Variants in HMBOX1 observed in about 807,000 individuals in gnomAD.
The protein encoded by HMBOX1 is homeobox containing 1.
In HMBOX1, 14 loss-of-function variants were observed where a neutral mutation model predicts 54.5. The ratio of observed to expected loss-of-function variants is 0.26; its 90% CI spans 0.17 to 0.40. The LOEUF (loss-of-function observed/expected upper bound fraction) is 0.40, where lower values mean the gene tolerates loss of function less well. HMBOX1 is among the 10% of genes least tolerant of loss of function. The probability of loss-of-function intolerance (pLI) is 1.00; values close to 1 mark genes in which losing one functional copy is unlikely to be tolerated. For synonymous variants in HMBOX1, 160 were observed against 181.0 expected, an observed-to-expected ratio of 0.88 and a Z score of 0.93; for missense variants, 332 against 514.4, an observed-to-expected ratio of 0.65 and a Z score of 3.43.
chr8:29,003,555 A>ATATATATATAT (rs1832971970), intron 4 of HMBOX1, among the ~76,000 whole-genome samples: 1 of 71,310 alleles, frequency 1.4e-5, no homozygotes. Context: ...TTCTGTATTA[A>ATATATATATAT]ATATATATAT....
At chr8:28,908,619 G>A (rs1384833259) in intron 1 of HMBOX1, among the ~76,000 whole-genome samples, 1 of 152,144 alleles carries the variant, frequency 6.6e-6, no homozygotes, top group Admixed American at 6.5e-5. Context: ...GCCGGGCATG[G>A]TGGCGCATGC....
chr8:28,900,260 A>C (rs1406879387), intron 1 of HMBOX1, among the ~76,000 whole-genome samples: 1 of 78,554 alleles, frequency 1.3e-5, no homozygotes, highest in Non-Finnish European at 2.9e-5. Flanking sequence ...GTCTCAAAAA[A>C]AAAAAAAAAA....
intron 2 of HMBOX1, among the ~76,000 whole-genome samples, chr8:28,968,828 G>T (rs928701394): frequency 6.6e-6 from 1 of 152,150 alleles, no homozygotes; most frequent in African/African-American, 2.4e-5. Context: ...TATCAAAATA[G>T]AAGAGATTAC....
chr8:28,916,258 A>G (rs1199782980), intron 1 of HMBOX1, among the ~76,000 whole-genome samples: 1 of 152,148 alleles, frequency 6.6e-6, no homozygotes, highest in Non-Finnish European at 1.5e-5. Context: ...CATGAGTTTC[A>G]TTGTTTGTAT....
At chr8:28,905,316 C>CA (rs1301705928) in intron 1 of HMBOX1, among the ~76,000 whole-genome samples, 1 of 151,984 alleles carries the variant, frequency 6.6e-6, no homozygotes, top group Non-Finnish European at 1.5e-5. Flanking sequence ...AAAAACAAAA[C>CA]AAAAAACCAG....
intron 1 of HMBOX1, among the ~76,000 whole-genome samples, chr8:28,922,558 T>C (rs1479917079): frequency 6.6e-6 from 1 of 152,240 alleles, no homozygotes; most frequent in Admixed American, 6.5e-5. Flanking sequence ...TCAGTAGTTA[T>C]TAACCTGGGT....
intron 6 of HMBOX1, among the ~76,000 whole-genome samples, chr8:29,044,139 G>C (rs1031340981): frequency 1.3e-5 from 2 of 152,144 alleles, no homozygotes; most frequent in East Asian, 3.9e-4. Flanking sequence ...AGTAGTGTTA[G>C]GAGCTGGGTT....
chr8:28,998,261 T>TC (rs1305173329), intron 4 of HMBOX1, among the ~76,000 whole-genome samples: 2 of 152,212 alleles, frequency 1.3e-5, no homozygotes, highest in Non-Finnish European at 2.9e-5. Context: ...TATTGATATC[T>TC]CCAACTATTA....
At chr8:28,907,853 T>C (rs35275779) in intron 1 of HMBOX1, among the ~76,000 whole-genome samples, 5,419 of 142,854 alleles carry the variant, frequency 0.038, 139 homozygotes, top group Non-Finnish European at 0.051. Flanking sequence ...TTCTTTCTTT[T>C]TTTTTTTTTT....
intron 1 of HMBOX1, among the ~76,000 whole-genome samples, chr8:28,951,458 A>C (rs1223717913): frequency 6.6e-6 from 1 of 152,214 alleles, no homozygotes; most frequent in Non-Finnish European, 1.5e-5. Flanking sequence ...GCAGATATAG[A>C]TAATAGACAA....
rs547158262 is a variant in HMBOX1, at chr8:28,912,273, C to T, written c.-58+21595C>T. ...ATCTGTACTGTATTTCTAAAGGAAG[C>T]TGGGATATGAATATCTGGCATTTTC... is the stretch of plus-strand genomic sequence containing the variant. On this transcript the variant is annotated intron_variant, in intron 1 of 9. Coordinates refer to ENST00000287701, the MANE Select transcript of HMBOX1 (RefSeq NM_001135726.3). Among the ~76,000 whole-genome samples, 7 of 152,266 alleles carry T rather than the reference C, an allele frequency of 4.6e-5. No individual in the cohort carries two copies. In the South Asian group the frequency reaches 1.0e-3, roughly 23 times the overall value.
rs1338074574 is a variant in HMBOX1 at position 29,045,421 on chromosome 8, C to T, written c.912C>T (p.Cys304=). 5 of 1,614,100 alleles carry T rather than the reference C, an allele frequency of 3.1e-6. No individual in the cohort carries two copies. In the South Asian group the frequency reaches 4.4e-5, roughly 14 times the overall value. ...AGAGGGAAGAAATTGCAAACGCTTG[C>T]AATGCAGTTATACAGAAGCCAGGTA... ...EAKREEIANA[C]NAVIQKPGKK... The change falls in exon 7 of 10, where the codon TGC becomes TGT. Residue 304 remains cysteine, a synonymous_variant. Transcript: ENST00000287701.
intron 1 of HMBOX1, among the ~76,000 whole-genome samples, chr8:28,909,709 G>A (rs1252162351): frequency 1.3e-5 from 2 of 152,100 alleles, no homozygotes; most frequent in African/African-American, 4.8e-5. Flanking sequence ...TGAGACTTGA[G>A]AACTTCTTTA....
intron 5 of HMBOX1, among the ~76,000 whole-genome samples, chr8:29,013,183 T>C (rs2132893310): frequency 6.6e-6 from 1 of 152,360 alleles, no homozygotes; most frequent in South Asian, 2.1e-4. Context: ...GCCACCAGGC[T>C]GGAGTGCAGT....
intron 6 of HMBOX1, among the ~76,000 whole-genome samples, chr8:29,036,627 C>A (rs1803919019): frequency 1.3e-5 from 2 of 152,194 alleles, no homozygotes; most frequent in Non-Finnish European, 2.9e-5. Flanking sequence ...ACCGTCACAT[C>A]TTTGCTTCCA....
chr8:28,915,125 G>A (rs889911775), intron 1 of HMBOX1, among the ~76,000 whole-genome samples: 1 of 152,068 alleles, frequency 6.6e-6, no homozygotes, highest in South Asian at 2.1e-4. Flanking sequence ...GTGTTGTGTT[G>A]TTTTACTTTG....
chr8:29,036,053 G>T (rs1803806621), intron 6 of HMBOX1, among the ~76,000 whole-genome samples: 1 of 152,168 alleles, frequency 6.6e-6, no homozygotes, highest in Admixed American at 6.5e-5. Context: ...AGCCTGTATT[G>T]TTTCAAAAGC....
Position 29,051,357 on chromosome 8 carries a change from T to TAACA in HMBOX1, c.*205_*206insAAAC. 1 of 626,162 alleles carries TAACA rather than the reference T, an allele frequency of 1.6e-6. No homozygotes were observed. The allele number at this position is 626,162 out of a possible 1,614,324, so 38.8% of individuals were successfully genotyped here. A position where few individuals can be genotyped will look rare whatever the true frequency, so the allele number is the denominator to read the frequency against. On this transcript the variant is annotated 3_prime_UTR_variant, in exon 10 of 10. Transcript: ENST00000287701. The stretch of plus-strand genomic sequence containing the variant: ...CTCAGTATTAACTCCCAGTAAATAA[T>TAACA]AACCAACCAACCAACCAAACTTCCC...
At chr8:29,031,532 A>ATTT (rs199629952) in intron 6 of HMBOX1, among the ~76,000 whole-genome samples, 2 of 146,368 alleles carry the variant, frequency 1.4e-5, no homozygotes, top group African/African-American at 5.0e-5. Context: ...TTTTCTTGTC[A>ATTT]TTTTTTTTTT....
Sources: gnomAD v4.1 joint callset for allele counts (sites outside exome capture counted in the v4.1 genomes callset) on GRCh38, gnomAD v4.1.1 for gene constraint, MANE v1.5 for transcripts, NCBI Gene and HGNC (gene_info 2026-07-23, HGNC 2026-07-21) for gene names.